Variants in CNTNAP2 observed in about 807,000 individuals in gnomAD.
CNTNAP2 encodes contactin associated protein 2.
Under a neutral mutation model 155.2 loss-of-function variants are expected in CNTNAP2, and 98 were observed. The ratio of observed to expected loss-of-function variants is 0.63; its 90% CI spans 0.54 to 0.75. The LOEUF (loss-of-function observed/expected upper bound fraction) is 0.75, where lower values mean the gene tolerates loss of function less well. CNTNAP2 is among the 30% of genes least tolerant of loss of function. CNTNAP2 has a pLI of 0.00. For synonymous variants in CNTNAP2, 651 were observed against 631.2 expected (o/e 1.03, Z -0.47); for missense variants, 1,727 against 1,688.1 (o/e 1.02, Z -0.40).
At chr7:148,075,638 T>C (rs1803470706) in intron 15 of CNTNAP2, among the ~76,000 whole-genome samples, 1 of 152,174 alleles carries the variant, frequency 6.6e-6, no homozygotes, top group South Asian at 2.1e-4. Flanking sequence ...ACAAAAATTA[T>C]AACTTTTAAA....
chr7:146,856,556 G>C (rs1038625829), intron 3 of CNTNAP2, among the ~76,000 whole-genome samples: 2 of 152,122 alleles, frequency 1.3e-5, no homozygotes, highest in Non-Finnish European at 2.9e-5. Flanking sequence ...AAGTAAATTT[G>C]TATAGTCTTA....
intron 20 of CNTNAP2, among the ~76,000 whole-genome samples, chr7:148,265,230 G>A (rs767641330): frequency 1.3e-5 from 2 of 152,112 alleles, no homozygotes; most frequent in Non-Finnish European, 2.9e-5. Flanking sequence ...ACATATATAT[G>A]AGATTTTAAA....
At chr7:146,118,181 T>C (rs1458894088) in intron 1 of CNTNAP2, among the ~76,000 whole-genome samples, 1 of 152,166 alleles carries the variant, frequency 6.6e-6, no homozygotes, top group Non-Finnish European at 1.5e-5. Flanking sequence ...TATCCGGTTA[T>C]GAGCCAGTAT....
chr7:147,627,543 A>G (rs1795004005), intron 12 of CNTNAP2, among the ~76,000 whole-genome samples: 1 of 151,922 alleles, frequency 6.6e-6, no homozygotes. Flanking sequence ...TAAAAATACA[A>G]AAAGTTTGGT....
intron 3 of CNTNAP2, among the ~76,000 whole-genome samples, chr7:146,879,307 T>A (rs1562984516): frequency 6.6e-6 from 1 of 152,170 alleles, no homozygotes; most frequent in Non-Finnish European, 1.5e-5. Flanking sequence ...TTTTTTAAAA[T>A]TAGAATTAAA....
intron 12 of CNTNAP2, among the ~76,000 whole-genome samples, chr7:147,585,727 TG>T (rs1346784835): frequency 6.6e-6 from 1 of 151,988 alleles, no homozygotes; most frequent in Non-Finnish European, 1.5e-5. Flanking sequence ...ATTTCTGTGG[TG>T]TTTTACCTCT....
At chr7:146,359,029 C>G (rs866972061) in intron 1 of CNTNAP2, among the ~76,000 whole-genome samples, 1 of 152,178 alleles carries the variant, frequency 6.6e-6, no homozygotes, top group African/African-American at 2.4e-5. Flanking sequence ...TGTGGTTCAT[C>G]TTAATTAGAA....
intron 12 of CNTNAP2, among the ~76,000 whole-genome samples, chr7:147,613,251 A>G (rs568086293): frequency 1.3e-5 from 2 of 152,316 alleles, no homozygotes; most frequent in African/African-American, 2.4e-5. Flanking sequence ...GAAGATGTGC[A>G]TCTCCCTGAG....
rs1798826041 is a variant in CNTNAP2, at chr7:148,368,569, C to T, written c.3476-15080C>T. Among the ~76,000 whole-genome samples the T allele has an allele frequency of 2.0e-5, 3 of 152,196 alleles. No individual in the cohort carries two copies. In the South Asian group the frequency reaches 6.2e-4, roughly 31 times the overall value. On this transcript the variant is annotated intron_variant, in intron 21 of 23. Transcript: ENST00000361727. ...GGGTCCAAAATTGTACCAGCCATAG[C>T]AAGGTGCTGCAGATGTAGCAGGACG...
At chr7:147,659,370 A>G (rs774034014) in intron 13 of CNTNAP2, among the ~76,000 whole-genome samples, 3 of 152,186 alleles carry the variant, frequency 2.0e-5, no homozygotes, top group Non-Finnish European at 4.4e-5. Context: ...AGAGATTTCA[A>G]TTTGAAATTG....
At chr7:146,284,840 C>T (rs919181014) in intron 1 of CNTNAP2, among the ~76,000 whole-genome samples, 2 of 152,298 alleles carry the variant, frequency 1.3e-5, no homozygotes, top group South Asian at 2.1e-4. Flanking sequence ...TGATCAGGGA[C>T]TCATTTGTGC....
chr7:147,836,327 G>C (rs532658449), intron 13 of CNTNAP2, among the ~76,000 whole-genome samples: 5 of 151,812 alleles, frequency 3.3e-5, no homozygotes, highest in Non-Finnish European at 7.4e-5. Flanking sequence ...CCCCAGCCTC[G>C]TGTCCTCCCA....
At chr7:146,985,228 T>C (rs1798092894) in intron 3 of CNTNAP2, among the ~76,000 whole-genome samples, 1 of 150,054 alleles carries the variant, frequency 6.7e-6, no homozygotes, top group Non-Finnish European at 1.5e-5. Flanking sequence ...GTTCATTACA[T>C]CAAAAAAAAT....
intron 1 of CNTNAP2, among the ~76,000 whole-genome samples, chr7:146,368,149 G>T (rs1795181586): frequency 6.6e-6 from 1 of 151,952 alleles, no homozygotes; most frequent in African/African-American, 2.4e-5. Context: ...GCTGACCTTT[G>T]TATGTGTGTG....
intron 14 of CNTNAP2, among the ~76,000 whole-genome samples, chr7:147,915,059 A>G (rs1484875169): frequency 6.6e-6 from 1 of 152,238 alleles, no homozygotes; most frequent in Non-Finnish European, 1.5e-5. Flanking sequence ...ATTTAAAAAT[A>G]GTTTAGAAAT....
chr7:147,082,939 G>T (rs1293691308), intron 4 of CNTNAP2: 1 of 152,082 alleles, frequency 6.6e-6, no homozygotes, highest in Non-Finnish European at 1.5e-5. Context: ...GACACACACT[G>T]CAATTTCCAG....
intron 8 of CNTNAP2, among the ~76,000 whole-genome samples, chr7:147,155,389 G>A (rs530027248): frequency 6.6e-6 from 1 of 152,078 alleles, no homozygotes; most frequent in South Asian, 2.1e-4. Flanking sequence ...TCTTGTTATA[G>A]TAGCCCAAAC....
chr7:147,957,238 G>C (rs1351143522), intron 14 of CNTNAP2, among the ~76,000 whole-genome samples: 1 of 152,152 alleles, frequency 6.6e-6, no homozygotes, highest in Non-Finnish European at 1.5e-5. Context: ...TTGGGGTTTT[G>C]CTGACAAATA....
At chr7:147,677,686 A>ATT (rs756596041) in intron 13 of CNTNAP2, among the ~76,000 whole-genome samples, 95 of 151,850 alleles carry the variant, frequency 6.3e-4, no homozygotes, top group Non-Finnish European at 9.6e-4. Context: ...TTTTAAGCAG[A>ATT]TTTTTATATA....
Sources: allele counts gnomAD v4.1 joint callset (sites outside exome capture counted in the v4.1 genomes callset), GRCh38; gene constraint gnomAD v4.1.1; transcripts MANE v1.5; gene names NCBI Gene and HGNC (gene_info 2026-07-23, HGNC 2026-07-21).